CSMD1: variants seen among roughly 807,000 people sequenced by gnomAD.
The protein encoded by CSMD1 is CUB and Sushi multiple domains 1, also known as CUB and sushi domain-containing protein 1.
CSMD1 carries 213 observed loss-of-function variants against 417.5 expected under a neutral mutation model. The ratio of observed to expected loss-of-function variants is 0.51; its 90% confidence interval spans 0.46 to 0.57. The LOEUF (loss-of-function observed/expected upper bound fraction) is 0.57, where lower values mean the gene tolerates loss of function less well. Among genes scored for constraint, CSMD1 ranks in the 20% least tolerant of loss-of-function variants. The pLI is 0.00. For missense variants in CSMD1, 6,923 were observed against 4,529.7 expected (o/e 1.53, Z -15.17); for synonymous variants, 2,862 against 1,736.8 (o/e 1.65, Z -16.11).
In CSMD1 at chr8:3,472,986, C is replaced by A. The variant is rs111496662; in HGVS notation, c.1449-4162G>T. 1.3e-3 allele frequency among the ~76,000 whole-genome samples: 193 copies of A among 152,216 alleles called. 1 individual carries two copies. The highest frequency in any genetic ancestry group is 4.4e-3 in the African/African-American group (184 of 41,542). The stretch of plus-strand genomic sequence containing the variant: ...CTGAACACTGATTATCTCACACCCA[C>A]CCCACCAAAGTAGGCTCCTAACTCT... On this transcript the variant is annotated intron_variant, in intron 11 of 69. Coordinates refer to ENST00000635120, the MANE Select transcript of CSMD1 (RefSeq NM_033225.6).
At chr8:4,212,693 A>G (rs896688648) in intron 3 of CSMD1, among the ~76,000 whole-genome samples, 1 of 150,878 alleles carries the variant, frequency 6.6e-6, no homozygotes, top group African/African-American at 2.4e-5. Flanking sequence ...AATTAGTTAT[A>G]TGTAACCACA....
At chr8:3,077,671 C>A (rs1389976104) in intron 49 of CSMD1, among the ~76,000 whole-genome samples, 1 of 152,254 alleles carries the variant, frequency 6.6e-6, no homozygotes. Context: ...GCATGCCCAT[C>A]GGGGCCTTAC....
intron 11 of CSMD1, among the ~76,000 whole-genome samples, chr8:3,477,700 A>C (rs572237381): frequency 6.6e-6 from 1 of 152,302 alleles, no homozygotes; most frequent in Admixed American, 6.5e-5. Flanking sequence ...ACCAGAAGGA[A>C]TTTAAGCTCT....
At chr8:4,865,329 C>T (rs564600792) in intron 1 of CSMD1, among the ~76,000 whole-genome samples, 3 of 151,852 alleles carry the variant, frequency 2.0e-5, no homozygotes, top group East Asian at 1.9e-4. Flanking sequence ...TTAAGAATCT[C>T]GTAACTTACT....
intron 7 of CSMD1, among the ~76,000 whole-genome samples, chr8:3,651,129 T>G (rs1797831909): frequency 6.6e-6 from 1 of 152,210 alleles, no homozygotes; most frequent in East Asian, 1.9e-4. Flanking sequence ...CTTGTCTTGA[T>G]TACAGCAGTA....
intron 1 of CSMD1, among the ~76,000 whole-genome samples, chr8:4,880,755 T>G (rs1024944995): frequency 5.3e-5 from 8 of 152,062 alleles, no homozygotes; most frequent in Admixed American, 4.6e-4. Flanking sequence ...GGAACAATCT[T>G]TTGCCTTCAA....
intron 11 of CSMD1, among the ~76,000 whole-genome samples, chr8:3,487,565 G>A (rs1046152090): frequency 6.6e-6 from 1 of 152,202 alleles, no homozygotes; most frequent in African/African-American, 2.4e-5. Flanking sequence ...CTAGTCACAA[G>A]GAGGGTATTC....
chr8:4,286,374 A>G (rs1049969263), intron 3 of CSMD1, among the ~76,000 whole-genome samples: 8 of 152,134 alleles, frequency 5.3e-5, no homozygotes, highest in African/African-American at 1.7e-4. Context: ...GTTAGTTCAA[A>G]ACTACAGTCC....
chr8:4,132,937 T>C (rs1803198663), intron 3 of CSMD1, among the ~76,000 whole-genome samples: 1 of 152,142 alleles, frequency 6.6e-6, no homozygotes, highest in South Asian at 2.1e-4. Context: ...GTCATTTATT[T>C]ATTTATTTAT....
chr8:3,654,944 G>A lies in CSMD1; in HGVS notation c.1010-38147C>T, dbSNP rs185449869. 6.6e-5 allele frequency among the ~76,000 whole-genome samples: 10 copies of A among 152,284 alleles called. No homozygotes were observed. The East Asian group carries it at 1.9e-3, about 29-fold the overall frequency. On this transcript the variant is annotated intron_variant, in intron 7 of 69. Transcript: ENST00000635120. ...GGGAGCATCTCATCTGGCACTTCCT[G>A]CTTTTTGGAGCCTGATGCATCTCAA...
chr8:4,521,279 G>C (rs1803429662), intron 2 of CSMD1, among the ~76,000 whole-genome samples: 1 of 152,098 alleles, frequency 6.6e-6, no homozygotes, highest in African/African-American at 2.4e-5. Context: ...AGCTGTGAAG[G>C]AAGAATGAAT....
chr8:3,104,025 G>C (rs1437958196), intron 46 of CSMD1, among the ~76,000 whole-genome samples: 1 of 152,184 alleles, frequency 6.6e-6, no homozygotes, highest in African/African-American at 2.4e-5. Context: ...TTACAGGCAT[G>C]AGCCACTGTC....
chr8:3,815,792 C>G lies in CSMD1; in HGVS notation c.819-61750G>C, dbSNP rs1437974586. ...TGTTCATTTGATCTATAGTAGTGAG[C>G]TAGTGAACGGGCCTAGAAAGTCTAA... On this transcript the variant is annotated intron_variant, in intron 5 of 69. Coordinates refer to ENST00000635120, the MANE Select transcript of CSMD1 (RefSeq NM_033225.6). 2.6e-5 allele frequency among the ~76,000 whole-genome samples: 4 copies of G among 152,120 alleles called. No homozygotes were observed. The East Asian group carries it at 5.8e-4, about 22-fold the overall frequency.
chr8:4,015,899 G>C (rs545020639), intron 4 of CSMD1, among the ~76,000 whole-genome samples: 7 of 152,128 alleles, frequency 4.6e-5, no homozygotes, highest in Admixed American at 3.9e-4. Flanking sequence ...AAGCAAAACA[G>C]AAACAAACAA....
chr8:4,259,421 A>C (rs1803717559), intron 3 of CSMD1, among the ~76,000 whole-genome samples: 2 of 152,164 alleles, frequency 1.3e-5, no homozygotes, highest in East Asian at 1.9e-4. Context: ...TTTCATAATT[A>C]TACCAGGACC....
chr8:3,467,328 G>C (rs144805636), intron 12 of CSMD1, among the ~76,000 whole-genome samples: 117 of 152,264 alleles, frequency 7.7e-4, no homozygotes, highest in Middle Eastern at 3.4e-3. Context: ...GAAGTGTCTG[G>C]TATTTCACTG....
intron 1 of CSMD1, among the ~76,000 whole-genome samples, chr8:4,920,239 A>T (rs1806343927): frequency 6.6e-6 from 1 of 152,142 alleles, no homozygotes; most frequent in Non-Finnish European, 1.5e-5. Flanking sequence ...ATCTACTCAG[A>T]CTTATTCTAG....
intron 3 of CSMD1, among the ~76,000 whole-genome samples, chr8:4,247,866 T>C (rs1362010223): frequency 1.3e-5 from 2 of 152,168 alleles, no homozygotes; most frequent in African/African-American, 4.8e-5. Context: ...GTTATAGAAA[T>C]ACAATGTACA....
Position 2,965,803 on chromosome 8 carries a change from C to G in CSMD1, c.9252G>C (p.Arg3084Ser). ...TGCAGACAGGTTTGCTCGGATTCCA[C>G]CTGCCGTCTTTGGTACAGCGAATAG... ...SATIRCTKDG[R>S]WNPSKPVCKA... Residue 3084 changes from arginine to serine, a missense_variant, in exon 59 of 70, where the codon AGG becomes AGC. Coordinates refer to ENST00000635120, the MANE Select transcript of CSMD1 (RefSeq NM_033225.6). 1.2e-6 allele frequency: 2 copies of G among 1,609,536 alleles called. No individual in the cohort carries two copies. The highest frequency in any genetic ancestry group is 1.7e-6 in the Non-Finnish European group (2 of 1,177,944).
Sources: allele counts gnomAD v4.1 joint callset (sites outside exome capture counted in the v4.1 genomes callset), GRCh38; gene constraint gnomAD v4.1.1; transcripts MANE v1.5; gene names NCBI Gene and HGNC (gene_info 2026-07-23, HGNC 2026-07-21).